Variants in TTC28 observed in about 807,000 individuals in gnomAD.
TTC28 encodes tetratricopeptide repeat protein 28.
Under a neutral mutation model 198.0 loss-of-function variants are expected in TTC28, and 61 were observed. That is an observed-to-expected ratio of 0.31 (90% confidence interval 0.25 to 0.38). The LOEUF (loss-of-function observed/expected upper bound fraction) is 0.38. TTC28 is among the 10% of genes least tolerant of loss of function. TTC28 has a pLI of 1.00. For synonymous variants in TTC28, 1,171 were observed against 1,297.8 expected (o/e 0.90, Z 2.10); for missense variants, 2,678 against 3,164.0 (o/e 0.85, Z 3.69).
At chr22:28,061,785 T>C (rs533299816) in intron 12 of TTC28, among the ~76,000 whole-genome samples, 2 of 152,222 alleles carry the variant, frequency 1.3e-5, no homozygotes, top group Admixed American at 6.5e-5. Context: ...GGGGATAGCA[T>C]TGAATCTATA....
intron 2 of TTC28, among the ~76,000 whole-genome samples, chr22:28,523,489 T>A (rs151114185): frequency 6.6e-6 from 1 of 152,262 alleles, no homozygotes; most frequent in East Asian, 1.9e-4. Flanking sequence ...CCTTAACTAG[T>A]CAGAGCTCTA....
At chr22:28,662,433 A>G (rs2051763446) in intron 1 of TTC28, among the ~76,000 whole-genome samples, 1 of 152,224 alleles carries the variant, frequency 6.6e-6, no homozygotes, top group Admixed American at 6.5e-5. Flanking sequence ...GCTGGATGGT[A>G]TTGATAAAGT....
intron 2 of TTC28, among the ~76,000 whole-genome samples, chr22:28,590,796 G>C (rs900484269): frequency 2.0e-5 from 3 of 151,110 alleles, no homozygotes; most frequent in Non-Finnish European, 4.4e-5. Flanking sequence ...ATCACTTGAG[G>C]TCAGGAATTT....
chr22:28,577,450 G>C (rs2050168449), intron 2 of TTC28, among the ~76,000 whole-genome samples: 1 of 152,026 alleles, frequency 6.6e-6, no homozygotes, highest in African/African-American at 2.4e-5. Context: ...GTAGACACTG[G>C]GTGAAATGTT....
intron 17 of TTC28, 39 bp downstream of exon 17, chr22:27,996,096 G>A (rs1937546485): frequency 6.5e-7 from 1 of 1,531,326 alleles, no homozygotes; most frequent in East Asian, 2.5e-5. Flanking sequence ...TCACAGCACT[G>A]CCAGCTCTCG....
At chr22:28,548,680 TA>T (rs1416819056) in intron 2 of TTC28, among the ~76,000 whole-genome samples, 1 of 152,222 alleles carries the variant, frequency 6.6e-6, no homozygotes, top group Non-Finnish European at 1.5e-5. Context: ...TGGTGAATGG[TA>T]AAACTGCCAT....
At chr22:28,673,794 CTA>C (rs1383738109) in intron 1 of TTC28, among the ~76,000 whole-genome samples, 2 of 152,102 alleles carry the variant, frequency 1.3e-5, no homozygotes, top group Admixed American at 1.3e-4. Context: ...TTGTATCATA[CTA>C]TGTCTCTAGT....
At chr22:28,286,000 T>G (rs1214265261) in intron 5 of TTC28, among the ~76,000 whole-genome samples, 2 of 151,978 alleles carry the variant, frequency 1.3e-5, no homozygotes, top group Non-Finnish European at 2.9e-5. Context: ...TTCAAGATTA[T>G]TAATTTTTTT....
intron 2 of TTC28, among the ~76,000 whole-genome samples, chr22:28,419,586 T>C (rs2047217467): frequency 6.6e-6 from 1 of 152,206 alleles, no homozygotes; most frequent in South Asian, 2.1e-4. Flanking sequence ...TTTAGAACTC[T>C]TGCTGAAAGC....
chr22:28,389,282 A>G (rs2046673015), intron 2 of TTC28, among the ~76,000 whole-genome samples: 1 of 152,096 alleles, frequency 6.6e-6, no homozygotes, highest in African/African-American at 2.4e-5. Context: ...ATGTTCATCA[A>G]GGATATTGGT....
intron 2 of TTC28, among the ~76,000 whole-genome samples, chr22:28,497,488 T>C (rs2146358750): frequency 6.6e-6 from 1 of 152,270 alleles, no homozygotes; most frequent in East Asian, 1.9e-4. Context: ...TTGAAAACTT[T>C]TTTAAAAACA....
chr22:28,537,210 G>A (rs957287624), intron 2 of TTC28, among the ~76,000 whole-genome samples: 3 of 151,408 alleles, frequency 2.0e-5, no homozygotes, highest in South Asian at 2.1e-4. Context: ...GGAGAATGGC[G>A]TGAACCTGGA....
intron 1 of TTC28, among the ~76,000 whole-genome samples, chr22:28,655,778 G>C (rs2051636746): frequency 6.6e-6 from 1 of 151,904 alleles, no homozygotes; most frequent in Non-Finnish European, 1.5e-5. Context: ...GTGAACCCGG[G>C]AGGCGGAGCT....
intron 1 of TTC28, chr22:28,642,916 A>G (rs2051392513): frequency 1.3e-5 from 2 of 152,212 alleles, no homozygotes; most frequent in Non-Finnish European, 1.5e-5. Flanking sequence ...CATGGTAGCT[A>G]GTGGCTACCA....
intron 12 of TTC28, among the ~76,000 whole-genome samples, chr22:28,091,869 A>C (rs1460014655): frequency 1.3e-5 from 2 of 152,218 alleles, no homozygotes; most frequent in Non-Finnish European, 2.9e-5. Flanking sequence ...GTCGGGTATA[A>C]TGAGAATGTA....
At chr22:28,073,526 G>A (rs1050826269) in intron 12 of TTC28, among the ~76,000 whole-genome samples, 1 of 152,170 alleles carries the variant, frequency 6.6e-6, no homozygotes, top group Non-Finnish European at 1.5e-5. Flanking sequence ...GCAAAAAAAT[G>A]GTCAGCCATC....
At chr22:28,189,527 T>G (rs1477789183) in intron 5 of TTC28, among the ~76,000 whole-genome samples, 1 of 151,528 alleles carries the variant, frequency 6.6e-6, no homozygotes, top group Non-Finnish European at 1.5e-5. Context: ...AAGAAATTTT[T>G]TCCTAGAAAC....
At chr22:28,249,405 A>G (rs1447617105) in intron 5 of TTC28, among the ~76,000 whole-genome samples, 1 of 152,216 alleles carries the variant, frequency 6.6e-6, no homozygotes, top group Non-Finnish European at 1.5e-5. Context: ...CACTATCCCT[A>G]CAGATCTTAG....
Position 28,107,987 on chromosome 22 carries a change from A to C in TTC28, c.1858T>G (p.Tyr620Asp). 1 of 1,551,484 alleles carries C rather than the reference A, an allele frequency of 6.4e-7. No individual in the cohort carries two copies. Among genetic ancestry groups the C allele is most frequent in the Non-Finnish European group, 8.7e-7 (1 of 1,146,956 alleles). The change falls in exon 7 of 23, where the codon TAC (tyrosine) becomes GAC (aspartate). Residue 620 changes from tyrosine (Y) to aspartate (D), a missense_variant. Around this residue, in one of 8 missense-constraint regions of TTC28, gnomAD observed 775 missense variants for 845.9 expected, o/e 0.92. Coordinates refer to ENST00000397906, the MANE Select transcript of TTC28 (RefSeq NM_001145418.2). ...TGAAGGTCGGGAGCAAGCCGGAGGT[A>C]CTGTTCATAATAGGGGGCAGCCTGG... ...YVQAAPYYEQ[Y>D]LRLAPDLQDM...
Sources: allele counts gnomAD v4.1 joint callset (sites outside exome capture counted in the v4.1 genomes callset), GRCh38; gene constraint gnomAD v4.1.1; regional missense constraint gnomAD v4.1.1; transcripts MANE v1.5; gene names NCBI Gene and HGNC (gene_info 2026-07-23, HGNC 2026-07-21).